Variants in GRIA1 observed in about 807,000 individuals in gnomAD.
The protein encoded by GRIA1 is glutamate receptor 1.
Under a neutral mutation model 99.2 loss-of-function variants are expected in GRIA1, and 31 were observed. The observed-to-expected ratio is 0.31, with a 90% confidence interval of 0.23 to 0.42. GRIA1 has a LOEUF of 0.42. GRIA1 is among the 10% of genes least tolerant of loss of function. The pLI is 1.00. For missense variants in GRIA1, 782 were observed against 1,157.5 expected (o/e 0.68, Z 4.71); for synonymous variants, 438 against 432.4 (o/e 1.01, Z -0.16).
intron 11 of GRIA1, among the ~76,000 whole-genome samples, chr5:153,758,452 A>C (rs1405144480): frequency 1.3e-5 from 2 of 151,972 alleles, no homozygotes; most frequent in Non-Finnish European, 2.9e-5. Context: ...AAAAATTATA[A>C]CAAAAAAGAC....
At chr5:153,640,526 C>T (rs944588654) in intron 2 of GRIA1, among the ~76,000 whole-genome samples, 7 of 152,180 alleles carry the variant, frequency 4.6e-5, no homozygotes, top group African/African-American at 1.7e-4. Flanking sequence ...TCTCTTTTAT[C>T]TTGGTGCTTT....
At chr5:153,509,817 GATAA>G (rs1755887223) in intron 2 of GRIA1, among the ~76,000 whole-genome samples, 1 of 152,164 alleles carries the variant, frequency 6.6e-6, no homozygotes, top group Non-Finnish European at 1.5e-5. Flanking sequence ...GTAAGTACCC[GATAA>G]ATGAGAGCTA....
chr5:153,659,135 G>A (rs894390982), intron 5 of GRIA1, among the ~76,000 whole-genome samples: 2 of 152,060 alleles, frequency 1.3e-5, no homozygotes, highest in Non-Finnish European at 2.9e-5. Context: ...GTGTCACTGG[G>A]GAGACCAAAT....
chr5:153,527,417 T>G (rs1188589584), intron 2 of GRIA1, among the ~76,000 whole-genome samples: 1 of 152,192 alleles, frequency 6.6e-6, no homozygotes, highest in East Asian at 1.9e-4. Flanking sequence ...AGATGCATAT[T>G]GGAGCTGACA....
chr5:153,746,297 G>T (rs1296279344), intron 11 of GRIA1, among the ~76,000 whole-genome samples: 1 of 152,182 alleles, frequency 6.6e-6, no homozygotes, highest in Non-Finnish European at 1.5e-5. Flanking sequence ...GACTGAGTGT[G>T]CAGGGAACTG....
At chr5:153,592,112 G>A (rs929147932) in intron 2 of GRIA1, among the ~76,000 whole-genome samples, 1 of 152,194 alleles carries the variant, frequency 6.6e-6, no homozygotes, top group Non-Finnish European at 1.5e-5. Context: ...TTGGGGAGGA[G>A]TATGGCCATG....
At chr5:153,659,497 T>C (rs1325613175) in intron 5 of GRIA1, among the ~76,000 whole-genome samples, 1 of 152,174 alleles carries the variant, frequency 6.6e-6, no homozygotes, top group African/African-American at 2.4e-5. Flanking sequence ...GCTCTGAGAC[T>C]GTGGGGAGTG....
intron 2 of GRIA1, among the ~76,000 whole-genome samples, chr5:153,591,234 C>T (rs1561669168): frequency 6.6e-6 from 1 of 152,160 alleles, no homozygotes; most frequent in East Asian, 1.9e-4. Context: ...TTCTTCCTGA[C>T]CTTTTAATTG....
intron 2 of GRIA1, among the ~76,000 whole-genome samples, chr5:153,522,659 C>A (rs1757255384): frequency 1.3e-5 from 2 of 152,118 alleles, no homozygotes; most frequent in Admixed American, 6.5e-5. Context: ...ATCACAGTGT[C>A]AAAGGAACTT....
intron 2 of GRIA1, among the ~76,000 whole-genome samples, chr5:153,609,430 A>G (rs1489435182): frequency 1.3e-5 from 1 of 77,260 alleles, no homozygotes; most frequent in African/African-American, 3.8e-5. Flanking sequence ...TATGTCCACA[A>G]TAGGCTGAAA....
intron 11 of GRIA1, among the ~76,000 whole-genome samples, chr5:153,730,246 C>A (rs1347404057): frequency 6.6e-6 from 1 of 152,000 alleles, no homozygotes; most frequent in East Asian, 1.9e-4. Context: ...CTGAGGACTG[C>A]ATTTCAAATA....
At chr5:153,505,103 G>T (rs772789443) in intron 2 of GRIA1, among the ~76,000 whole-genome samples, 11 of 152,304 alleles carry the variant, frequency 7.2e-5, no homozygotes, top group Non-Finnish European at 1.6e-4. Flanking sequence ...GAGATCTCAA[G>T]CTGGCTCCTG....
chr5:153,540,126 C>A (rs1208073884), intron 2 of GRIA1, among the ~76,000 whole-genome samples: 1 of 152,190 alleles, frequency 6.6e-6, no homozygotes, highest in Non-Finnish European at 1.5e-5. Flanking sequence ...GAAAGCCAGC[C>A]AGTGCACGTG....
chr5:153,659,258 T>A (rs1485030046), intron 5 of GRIA1, among the ~76,000 whole-genome samples: 1 of 152,218 alleles, frequency 6.6e-6, no homozygotes, highest in Non-Finnish European at 1.5e-5. Context: ...ATGGTGTGTA[T>A]GTACATATGC....
intron 2 of GRIA1, among the ~76,000 whole-genome samples, chr5:153,630,133 T>A (rs1187634238): frequency 6.6e-6 from 1 of 152,200 alleles, no homozygotes; most frequent in Non-Finnish European, 1.5e-5. Flanking sequence ...TACACCCTCT[T>A]AAGCTGTTAC....
intron 1 of GRIA1, chr5:153,491,259 G>T (rs1753888062): frequency 7.5e-7 from 1 of 1,335,468 alleles, no homozygotes. Context: ...AAAAAAATCA[G>T]GCTGGAAAGG....
intron 2 of GRIA1, among the ~76,000 whole-genome samples, chr5:153,601,021 T>C (rs1243547497): frequency 1.3e-5 from 2 of 152,194 alleles, no homozygotes; most frequent in African/African-American, 4.8e-5. Flanking sequence ...AAACTTCCTC[T>C]CACTGGAAGT....
chr5:153,656,792 T>A (rs975180586), intron 5 of GRIA1, among the ~76,000 whole-genome samples: 30 of 152,274 alleles, frequency 2.0e-4, no homozygotes, highest in South Asian at 1.0e-3. Context: ...ATCACCACAG[T>A]CTTATTTTAA....
In GRIA1 at chr5:153,699,016, A is replaced by T; in HGVS notation, c.1395A>T (p.Gly465=). The stretch of plus-strand genomic sequence containing the variant: ...AGATTGTCAGTGATGGAAAATACGG[A>T]GCCCGAGACCCTGACACGAAGGCCT... ...RLEIVSDGKY[G]ARDPDTKAWN... Residue 465 remains glycine (G), a synonymous_variant, in exon 10 of 16, where the codon GGA becomes GGT. Transcript: ENST00000285900. 1 of 1,614,038 alleles carries T rather than the reference A, an allele frequency of 6.2e-7. No homozygotes were observed. The highest frequency in any genetic ancestry group is 1.1e-5 in the South Asian group (1 of 91,080).
Sources: allele counts gnomAD v4.1 joint callset (sites outside exome capture counted in the v4.1 genomes callset), GRCh38; gene constraint gnomAD v4.1.1; transcripts MANE v1.5; gene names NCBI Gene and HGNC (gene_info 2026-07-23, HGNC 2026-07-21).